Variants in ZNF423 observed in about 807,000 individuals in gnomAD.
The protein encoded by ZNF423 is zinc finger protein 423.
A neutral mutation model predicts 95.8 loss-of-function variants in ZNF423; 12 were observed. That is an observed-to-expected ratio of 0.13 (90% CI 0.08 to 0.20). The LOEUF is 0.20. Among genes scored for constraint, ZNF423 ranks in the 10% least tolerant of loss-of-function variants. ZNF423 has a pLI of 1.00. For synonymous variants in ZNF423, 749 were observed against 711.9 expected, an observed-to-expected ratio of 1.05 and a Z score of -0.83; for missense variants, 1,316 against 1,737.1, an observed-to-expected ratio of 0.76 and a Z score of 4.31.
chr16:49,858,397 C>G (rs2035394689), upstream of ZNF423, among the ~76,000 whole-genome samples: 1 of 151,858 alleles, frequency 6.6e-6, no homozygotes, highest in African/African-American at 2.4e-5. The surrounding 1 kb of genome is among the most constrained non-coding windows in gnomAD (Gnocchi z 4.3). Context: ...CACCCACGCA[C>G]CCCCGCGGCT....
chr16:49,760,986 G>A (rs977186834), intron 2 of ZNF423, among the ~76,000 whole-genome samples: 3 of 149,978 alleles, frequency 2.0e-5, no homozygotes, highest in African/African-American at 4.9e-5. Flanking sequence ...ATGCATATAC[G>A]CACACACGCA....
At chr16:49,512,874 T>A (rs1404247740) in intron 7 of ZNF423, among the ~76,000 whole-genome samples, 1 of 151,980 alleles carries the variant, frequency 6.6e-6, no homozygotes, top group Non-Finnish European at 1.5e-5. Flanking sequence ...GGCAAGTGGG[T>A]CACTTGAGGT....
chr16:49,697,250 A>G (rs2151951473), intron 3 of ZNF423, among the ~76,000 whole-genome samples: 1 of 152,340 alleles, frequency 6.6e-6, no homozygotes, highest in South Asian at 2.1e-4. Flanking sequence ...TTCTGGGTAC[A>G]GAACTGATGT....
chr16:49,658,673 G>A (rs1178299858), intron 3 of ZNF423, among the ~76,000 whole-genome samples: 1 of 152,210 alleles, frequency 6.6e-6, no homozygotes, highest in Non-Finnish European at 1.5e-5. Flanking sequence ...GGACCACCAC[G>A]AGGAGGAGGA....
chr16:49,819,356 T>C (rs928518219), intron 1 of ZNF423, among the ~76,000 whole-genome samples: 8 of 151,888 alleles, frequency 5.3e-5, no homozygotes, highest in Admixed American at 2.0e-4. Flanking sequence ...AGTACAGATA[T>C]AGAATATTTC....
intron 5 of ZNF423, among the ~76,000 whole-genome samples, chr16:49,590,271 C>A (rs1970970275): frequency 6.6e-6 from 1 of 151,930 alleles, no homozygotes; most frequent in African/African-American, 2.4e-5. Flanking sequence ...GCTGGGGCTG[C>A]GGGCAGCACC....
chr16:49,664,639 G>T (rs866397945), intron 3 of ZNF423, among the ~76,000 whole-genome samples: 2 of 152,060 alleles, frequency 1.3e-5, no homozygotes, highest in Non-Finnish European at 2.9e-5. Flanking sequence ...AGGACAGGGT[G>T]GGGGGACGGC....
chr16:49,689,819 G>A (rs958606034), intron 3 of ZNF423, among the ~76,000 whole-genome samples: 6 of 152,016 alleles, frequency 3.9e-5, no homozygotes, highest in East Asian at 1.9e-4. Context: ...TCCTTCCCCC[G>A]ACCAAAAAAC....
chr16:49,576,225 T>C (rs181193195), intron 5 of ZNF423, among the ~76,000 whole-genome samples: 34 of 152,348 alleles, frequency 2.2e-4, no homozygotes, highest in Admixed American at 2.0e-3. Context: ...TATACCAAGA[T>C]AGACACTGGG....
chr16:49,764,204 G>A (rs1005826550), intron 2 of ZNF423, among the ~76,000 whole-genome samples: 1 of 152,178 alleles, frequency 6.6e-6, no homozygotes, highest in African/African-American at 2.4e-5. Context: ...GGGAACATGA[G>A]AGCCACTCCC....
chr16:49,730,325 T>A (rs1369653422), intron 3 of ZNF423, among the ~76,000 whole-genome samples: 1 of 152,194 alleles, frequency 6.6e-6, no homozygotes, highest in Non-Finnish European at 1.5e-5. Flanking sequence ...AACAGGTCCC[T>A]TTTTCACGGG....
In ZNF423 at chr16:49,526,532, C is replaced by T. The variant is rs190024505; in HGVS notation, c.3602-1038G>A. Among the ~76,000 whole-genome samples, 55 of 152,286 alleles carry T rather than the reference C, an allele frequency of 3.6e-4. 1 individual carries two copies. The highest frequency in any genetic ancestry group is 1.3e-3 in the African/African-American group (54 of 41,568). On this transcript the variant is annotated intron_variant, in intron 5 of 7. Coordinates refer to ENST00000563137, the MANE Select transcript of ZNF423 (RefSeq NM_001379286.1). ...TTCAAATTCTGGCTCCTCAGCCCCA[C>T]ACAGCATGCTGTGGGCACAAGCTCA...
upstream of ZNF423, among the ~76,000 whole-genome samples, chr16:49,858,349 C>G (rs1349797878): frequency 1.3e-5 from 2 of 151,706 alleles, no homozygotes; most frequent in African/African-American, 4.8e-5. This position sits in a 1 kb window ranked among gnomAD's most constrained non-coding sequence, Gnocchi z 4.3. Flanking sequence ...GGGCCCTGCT[C>G]GCCAACCCCG....
chr16:49,732,881 C>T (rs991118091), intron 2 of ZNF423, among the ~76,000 whole-genome samples: 3 of 152,226 alleles, frequency 2.0e-5, no homozygotes, highest in African/African-American at 7.2e-5. Flanking sequence ...GCACGACACG[C>T]CGCCTGGAAC....
At chr16:49,836,519 G>A (rs1206202427) in intron 1 of ZNF423, among the ~76,000 whole-genome samples, 5 of 152,094 alleles carry the variant, frequency 3.3e-5, no homozygotes, top group Admixed American at 2.0e-4. Context: ...CAGTGACCCT[G>A]GCAGTTACTC....
chr16:49,710,287 G>A (rs1201471587), intron 3 of ZNF423, among the ~76,000 whole-genome samples: 1 of 152,088 alleles, frequency 6.6e-6, no homozygotes, highest in Admixed American at 6.5e-5. Context: ...CACTTCCCAG[G>A]TCCTCCCTGC....
chr16:49,686,130 TC>T (rs1231657487), intron 3 of ZNF423, among the ~76,000 whole-genome samples: 1 of 152,098 alleles, frequency 6.6e-6, no homozygotes, highest in Admixed American at 6.6e-5. Context: ...GCTGTCCTTC[TC>T]CCCCACAGAC....
chr16:49,664,237 C>T (rs1024580507), intron 3 of ZNF423: 15 of 985,512 alleles, frequency 1.5e-5, no homozygotes, highest in Middle Eastern at 5.2e-4. Context: ...ATCTCAGCCA[C>T]GGGACGCATC....
chr16:49,730,476 G>A (rs1010755166), intron 3 of ZNF423: 1 of 444,862 alleles, frequency 2.2e-6, no homozygotes. Flanking sequence ...AGGCCTTCCA[G>A]AAATTCAGGG....
Sources: allele counts gnomAD v4.1 joint callset (sites outside exome capture counted in the v4.1 genomes callset), GRCh38; gene constraint gnomAD v4.1.1; non-coding constraint Gnocchi (gnomAD v3.1); transcripts MANE v1.5; gene names NCBI Gene and HGNC (gene_info 2026-07-23, HGNC 2026-07-21).